The following ATAD2B variants were observed in gnomAD, a reference collection of about 807,000 sequenced individuals.
ATAD2B encodes ATPase family AAA domain-containing protein 2B.
Under a neutral mutation model 167.6 loss-of-function variants are expected in ATAD2B, and 40 were observed. The ratio of observed to expected loss-of-function variants is 0.24; its 90% CI spans 0.19 to 0.31. The LOEUF (loss-of-function observed/expected upper bound fraction) is 0.31, where lower values mean the gene tolerates loss of function less well. Ranked by LOEUF, ATAD2B falls within the 10% of genes least tolerant of loss-of-function variation. ATAD2B has a pLI of 1.00. For missense variants in ATAD2B, 1,242 were observed against 1,757.2 expected (o/e 0.71, Z 5.24); for synonymous variants, 579 against 596.5 (o/e 0.97, Z 0.43).
chr2:23,707,291 T>G, the ATAD2B span: 1 of 152,184 alleles, frequency 6.6e-6, no homozygotes, highest in South Asian at 2.1e-4. Context: ...TTCACAGGTT[T>G]TTCTACTGTG....
At chr2:23,701,783 CTTTTTTTTGCTT>C in the ATAD2B span, among the ~76,000 whole-genome samples, 1 of 118,492 alleles carries the variant, frequency 8.4e-6, no homozygotes, top group South Asian at 2.9e-4. Context: ...GCACACATGG[CTTTTTTTTGCTT>C]TTTTTTTTTT....
chr2:23,682,966 C>T, the ATAD2B span, among the ~76,000 whole-genome samples: 1 of 152,312 alleles, frequency 6.6e-6, no homozygotes, highest in African/African-American at 2.4e-5. The surrounding 1 kb of genome is among the most constrained non-coding windows in gnomAD (Gnocchi z 4.1). Context: ...TCTCCAGGAG[C>T]CCCTCCCACC....
At chr2:23,678,734 A>C in the ATAD2B span, among the ~76,000 whole-genome samples, 1 of 152,246 alleles carries the variant, frequency 6.6e-6, no homozygotes, top group African/African-American at 2.4e-5. Flanking sequence ...CCAGCCTTAA[A>C]AAGGAGGGAA....
intron 13 of ATAD2B, among the ~76,000 whole-genome samples, chr2:23,850,867 T>C (rs1339655666): frequency 6.6e-6 from 1 of 152,206 alleles, no homozygotes; most frequent in African/African-American, 2.4e-5. Flanking sequence ...TATTAAGAGT[T>C]AAGAGCTAAG....
chr2:23,842,639 G>A (rs1282778966), intron 13 of ATAD2B, among the ~76,000 whole-genome samples: 2 of 152,108 alleles, frequency 1.3e-5, no homozygotes, highest in Non-Finnish European at 2.9e-5. Flanking sequence ...CAGCATAAGA[G>A]TCTAGAAAAG....
chr2:23,843,165 A>C (rs1399826091), intron 13 of ATAD2B, among the ~76,000 whole-genome samples: 1 of 152,234 alleles, frequency 6.6e-6, no homozygotes, highest in African/African-American at 2.4e-5. Flanking sequence ...AAACAATGAA[A>C]AACAATCAAA....
At chr2:23,894,801 T>G (rs1699978326) in intron 2 of ATAD2B, among the ~76,000 whole-genome samples, 1 of 151,992 alleles carries the variant, frequency 6.6e-6, no homozygotes, top group Non-Finnish European at 1.5e-5. Context: ...GAAAGAAAAA[T>G]AAAAATCAAC....
chr2:23,684,985 C>T, the ATAD2B span, among the ~76,000 whole-genome samples: 3 of 152,234 alleles, frequency 2.0e-5, no homozygotes, highest in African/African-American at 7.2e-5. This position sits in a 1 kb window ranked among gnomAD's most constrained non-coding sequence, Gnocchi z 4.4. Context: ...GAAAGCGCAT[C>T]GGCCAGGCTG....
chr2:23,851,176 ACT>A (rs1350199451), intron 13 of ATAD2B, among the ~76,000 whole-genome samples: 1 of 152,068 alleles, frequency 6.6e-6, no homozygotes, highest in Non-Finnish European at 1.5e-5. Context: ...ACAGGGCCTC[ACT>A]CTCTCACCTA....
chr2:23,828,055 A>G lies in ATAD2B; in HGVS notation c.1819+794T>C, dbSNP rs945631562. ...GGGGGATTTCTTCATAATGCTTAAA[A>G]AGTTCATGAAGATTGGGTTTTTTTT... On this transcript the variant is annotated intron_variant, in intron 15 of 27. Transcript: ENST00000238789. Among the ~76,000 whole-genome samples, 14 of 152,106 alleles carry G rather than the reference A, an allele frequency of 9.2e-5. No individual in the cohort carries two copies. In the South Asian group the frequency reaches 1.0e-3, roughly 11 times the overall value.
chr2:23,747,181 T>C (rs1197368385), downstream of ATAD2B, among the ~76,000 whole-genome samples: 1 of 152,090 alleles, frequency 6.6e-6, no homozygotes, highest in African/African-American at 2.4e-5. Flanking sequence ...ATAATACTTT[T>C]CTATCTCCCC....
chr2:23,840,492 T>C (rs563947883), intron 13 of ATAD2B, among the ~76,000 whole-genome samples: 6 of 152,248 alleles, frequency 3.9e-5, no homozygotes, highest in Admixed American at 2.6e-4. Flanking sequence ...GATTTTTGTC[T>C]TTACAACACA....
chr2:23,804,108 T>C (rs1047663137), intron 18 of ATAD2B, among the ~76,000 whole-genome samples: 1 of 152,220 alleles, frequency 6.6e-6, no homozygotes, highest in Non-Finnish European at 1.5e-5. Flanking sequence ...TTTCAGCACC[T>C]GACTCATGCA....
At chr2:23,706,452 C>T in the ATAD2B span, 1 of 1,426,386 alleles carries the variant, frequency 7.0e-7, no homozygotes, top group African/African-American at 1.5e-5. Context: ...AGTGAAATGC[C>T]TAACTCTGTC....
chr2:23,895,386 TTTAAG>T (rs1296215249), intron 2 of ATAD2B, among the ~76,000 whole-genome samples: 1 of 152,028 alleles, frequency 6.6e-6, no homozygotes, highest in African/African-American at 2.4e-5. Context: ...ACAAAGCAAA[TTTAAG>T]TTAAAAACAG....
At chr2:23,819,909 G>A (rs1464769055) in intron 16 of ATAD2B, 27 bp from the exon 17 acceptor site, 3 of 1,522,064 alleles carry the variant, frequency 2.0e-6, no homozygotes, top group African/African-American at 2.8e-5. Context: ...CAATGGTTAT[G>A]GGGCTTATAA....
chr2:23,823,319 G>A lies in ATAD2B; in HGVS notation c.2070C>T (p.Ile690=). The A allele has an allele frequency of 1.2e-6, 2 of 1,613,714 alleles. No individual in the cohort carries two copies. Among genetic ancestry groups the A allele is most frequent in the Non-Finnish European group, 1.7e-6 (2 of 1,179,768 alleles). The change falls in exon 16 of 28, where the codon ATC becomes ATT. Residue 690 remains isoleucine, a synonymous_variant. Coordinates refer to ENST00000238789, the MANE Select transcript of ATAD2B (RefSeq NM_017552.4). ...RPLLERSFNN[I]LAVLQKVFPH... ...GAAACACTTTTTGCAAGACTGCTAG[G>A]ATGTTGTTGAAGCTTCTTTCCAGCA...
chr2:23,878,010 C>CAAAAAAAAAAAAAAAAAAAAAAAA lies in ATAD2B; in HGVS notation c.902-2107_902-2106insTTTTTTTTTTTTTTTTTTTTTTTT, dbSNP rs1283016862. On this transcript the variant is annotated intron_variant, in intron 7 of 27. Coordinates refer to ENST00000238789, the MANE Select transcript of ATAD2B (RefSeq NM_017552.4). ...ACTCCAGCCTGGATGACCCTATCTC[C>CAAAAAAAAAAAAAAAAAAAAAAAA]AAAGAAAAAAAAAAAAAAAAAAAAA... 1.2e-3 allele frequency among the ~76,000 whole-genome samples: 35 copies of CAAAAAAAAAAAAAAAAAAAAAAAA among 28,606 alleles called. 8 individuals carry two copies. Among genetic ancestry groups the CAAAAAAAAAAAAAAAAAAAAAAAA allele is most frequent in the Admixed American group, 3.0e-3 (5 of 1,644 alleles). 18.8% of individuals were successfully genotyped at this position (28,606 alleles called of 152,430 possible). A position where few individuals can be genotyped will look rare whatever the true frequency, so the allele number is the denominator to read the frequency against.
intron 10 of ATAD2B, among the ~76,000 whole-genome samples, chr2:23,865,494 A>G (rs1037276435): frequency 2.3e-4 from 35 of 151,626 alleles, no homozygotes; most frequent in Non-Finnish European, 8.8e-5. Context: ...GCACCATTGC[A>G]CTACAGCCTG....
Sources: allele counts gnomAD v4.1 joint callset (sites outside exome capture counted in the v4.1 genomes callset), GRCh38; gene constraint gnomAD v4.1.1; non-coding constraint Gnocchi (gnomAD v3.1); transcripts MANE v1.5; gene names NCBI Gene and HGNC (gene_info 2026-07-23, HGNC 2026-07-21).